The following MYT1 variants were observed in gnomAD, a reference collection of about 807,000 sequenced individuals.
MYT1 encodes myelin transcription factor I.
MYT1 carries 23 observed loss-of-function variants against 123.0 expected under a neutral mutation model. The ratio of observed to expected loss-of-function variants is 0.19; its 90% CI spans 0.13 to 0.26. The LOEUF is 0.26. Among genes scored for constraint, MYT1 ranks in the 10% least tolerant of loss-of-function variants. The pLI, the probability that MYT1 is intolerant of heterozygous loss-of-function variation, is 1.00. For missense variants in MYT1, 1,125 were observed against 1,472.5 expected, an observed-to-expected ratio of 0.76 and a Z score of 3.86; for synonymous variants, 518 against 575.3, an observed-to-expected ratio of 0.90 and a Z score of 1.43.
In MYT1 at chr20:64,205,636, C is replaced by G; in HGVS notation, c.233C>G (p.Pro78Arg). 1 of 1,614,196 alleles carries G rather than the reference C, an allele frequency of 6.2e-7. No homozygotes were observed. Among genetic ancestry groups the G allele is most frequent in the East Asian group, 2.2e-5 (1 of 44,890 alleles). ...EHLVSKRKSH[P>R]LKLALDEGYG... ...CTGGTGTCCAAGAGGAAGTCACACC[C>G]CCTGAAGCTGGCTCTGGACGAGGGC... The change falls in exon 6 of 23, where the codon CCC (proline) becomes CGC (arginine). Residue 78 changes from proline to arginine, a missense_variant. Coordinates refer to ENST00000328439, the MANE Select transcript of MYT1 (RefSeq NM_004535.3).
At position 64,193,459 on chromosome 20, in the gene MYT1, A is replaced by G. The variant is rs924944405; in HGVS notation, c.-1+3299A>G. ...CGTTGAGTGGGAGCTTGGATCTTCCACAATACTGTCTGCTGTAATGGCTTC... is the reference window on the plus strand; with the variant it reads ...CGTTGAGTGGGAGCTTGGATCTTCCGCAATACTGTCTGCTGTAATGGCTTC... On this transcript the variant is annotated intron_variant, in intron 2 of 22. Coordinates refer to ENST00000328439, the MANE Select transcript of MYT1 (RefSeq NM_004535.3). The surrounding 1 kb of genome is among the most constrained non-coding windows in gnomAD (Gnocchi z 4.0). Among the ~76,000 whole-genome samples the G allele has an allele frequency of 1.3e-5, 2 of 152,140 alleles. No homozygotes were observed. Among genetic ancestry groups the G allele is most frequent in the South Asian group, 4.1e-4 (2 of 4,822 alleles).
At chr20:64,220,923 G>A (rs543213279) in intron 13 of MYT1, among the ~76,000 whole-genome samples, 1 of 75,752 alleles carries the variant, frequency 1.3e-5, no homozygotes, top group South Asian at 3.8e-4. Flanking sequence ...CCTATGAAGG[G>A]TGGGGGCTGG....
chr20:64,177,099 G>A (rs1272401337), intron 1 of MYT1, among the ~76,000 whole-genome samples: 1 of 152,238 alleles, frequency 6.6e-6, no homozygotes, highest in African/African-American at 2.4e-5. Flanking sequence ...AAAAGAAAGT[G>A]TATGATGCTG....
Position 64,208,082 on chromosome 20 carries a change from G to A in MYT1, c.886G>A (p.Glu296Lys), listed in dbSNP as rs143133195. 1.4e-3 allele frequency: 2,180 copies of A among 1,600,396 alleles called. No individual in the cohort carries two copies. Among genetic ancestry groups the A allele is most frequent in the Non-Finnish European group, 1.7e-3 (1,975 of 1,173,876 alleles). The change falls in exon 7 of 23, where the codon GAG (glutamate) becomes AAG (lysine). Residue 296 changes from glutamate (E) to lysine (K), a missense_variant. By Grantham distance (56) the Glu-to-Lys change is moderately conservative (BLOSUM62 1). Transcript: ENST00000328439. The surrounding 1 kb of genome is among the most constrained non-coding windows in gnomAD (Gnocchi z 5.4). Reference protein sequence around the residue: ...EEEEEEEEEEEEEEEEEEEEE... With the variant: ...EEEEEEEEEEKEEEEEEEEEE... ...GGAGGAGGAGGAAGAGGAAGAGGAG[G>A]AGGAAGAGGAAGAGGAAGAGGAGGA...
rs1041343226 is a variant in MYT1 at position 64,191,199 on chromosome 20, A to G, written c.-1+1039A>G. On this transcript the variant is annotated intron_variant, in intron 2 of 22. Coordinates refer to ENST00000328439, the MANE Select transcript of MYT1 (RefSeq NM_004535.3). The surrounding 1 kb of genome is among the most constrained non-coding windows in gnomAD (Gnocchi z 4.1). Reference sequence around the variant, plus strand: ...AGTCTGTTGGCCTTGTTTTATTTCGATCTTCCTAAGGGGAGGCAGATGGTG... The same window carrying G: ...AGTCTGTTGGCCTTGTTTTATTTCGGTCTTCCTAAGGGGAGGCAGATGGTG... Among the ~76,000 whole-genome samples, 2 of 152,060 alleles carry G rather than the reference A, an allele frequency of 1.3e-5. No homozygotes were observed. Among genetic ancestry groups the G allele is most frequent in the Non-Finnish European group, 2.9e-5 (2 of 68,002 alleles).
chr20:64,240,590 G>A lies in MYT1; in HGVS notation c.*142G>A. The A allele has an allele frequency of 2.4e-6, 3 of 1,262,606 alleles. No homozygotes were observed. Among genetic ancestry groups the A allele is most frequent in the Non-Finnish European group, 3.2e-6 (3 of 947,330 alleles). 78.2% of individuals were successfully genotyped at this position (1,262,606 alleles called of 1,614,324 possible). On this transcript the variant is annotated 3_prime_UTR_variant, in exon 23 of 23. Coordinates refer to ENST00000328439, the MANE Select transcript of MYT1 (RefSeq NM_004535.3). ...GCGGGCGGGTTTATCCAAAGGGATG[G>A]CTGGAAATTGGCCGCTCCCACGAGG...
intron 19 of MYT1, among the ~76,000 whole-genome samples, chr20:64,235,861 G>A (rs1234238136): frequency 2.8e-5 from 4 of 144,810 alleles, no homozygotes. Context: ...GCTGGCCGTG[G>A]TGGGTGACGC....
intron 16 of MYT1, among the ~76,000 whole-genome samples, chr20:64,224,875 T>C (rs1984123310): frequency 6.6e-6 from 1 of 152,204 alleles, no homozygotes; most frequent in Non-Finnish European, 1.5e-5. Context: ...CTTTCTGTCC[T>C]GTGAAGTGGA....
intron 1 of MYT1, among the ~76,000 whole-genome samples, chr20:64,173,206 C>A (rs1283547882): frequency 6.6e-6 from 1 of 152,104 alleles, no homozygotes. Flanking sequence ...GATGGTGGCC[C>A]AGTGAGGCAA....
chr20:64,201,258 C>T (rs73325819), intron 4 of MYT1, among the ~76,000 whole-genome samples: 7,091 of 152,208 alleles, frequency 0.047, 186 homozygotes, highest in Middle Eastern at 0.12. Flanking sequence ...TAGATTTGTT[C>T]GTTTTTAAAC....
At chr20:64,223,735 C>T (rs1054173359) in intron 16 of MYT1, among the ~76,000 whole-genome samples, 1 of 152,176 alleles carries the variant, frequency 6.6e-6, no homozygotes, top group Non-Finnish European at 1.5e-5. Flanking sequence ...GACCAGGGAA[C>T]GTAAGCCCTG....
rs182805678 is a variant in MYT1, at chr20:64,229,760, C to T, written c.2675+1789C>T. Reference sequence around the variant, plus strand: ...AACAGGAGTCCTTTTTATGATATCTCCTGCCTGCGCTATTTAAAATTAAGT... The same window carrying T: ...AACAGGAGTCCTTTTTATGATATCTTCTGCCTGCGCTATTTAAAATTAAGT... On this transcript the variant is annotated intron_variant, in intron 18 of 22. Transcript: ENST00000328439. Among the ~76,000 whole-genome samples, 75 of 152,332 alleles carry T rather than the reference C, an allele frequency of 4.9e-4. 1 individual carries two copies. The highest frequency in any genetic ancestry group is 3.4e-3 in the Middle Eastern group (1 of 294).
intron 19 of MYT1, among the ~76,000 whole-genome samples, chr20:64,235,361 T>G (rs1178983923): frequency 0.012 from 854 of 69,850 alleles, no homozygotes; most frequent in Middle Eastern, 0.076. Context: ...GGATGGCCGT[T>G]GTGGGTGACA....
chr20:64,205,507 C>G (rs753418058), intron 5 of MYT1, 46 bp from the exon 6 acceptor site: 3 of 1,601,572 alleles, frequency 1.9e-6, no homozygotes, highest in Non-Finnish European at 2.6e-6. Flanking sequence ...TGAGGCCTCT[C>G]GTGGCCCTAG....
chr20:64,197,628 G>C (rs769029608), intron 2 of MYT1, among the ~76,000 whole-genome samples: 4 of 152,212 alleles, frequency 2.6e-5, no homozygotes, highest in Non-Finnish European at 5.9e-5. Flanking sequence ...GCCCTCCCCC[G>C]CCTGGTGTGG....
rs1221789457 is a variant in MYT1, at chr20:64,231,377, G to A, written c.2676-787G>A. 3.3e-5 allele frequency among the ~76,000 whole-genome samples: 5 copies of A among 152,176 alleles called. No homozygotes were observed. The highest frequency in any genetic ancestry group is 4.8e-5 in the African/African-American group (2 of 41,424). On this transcript the variant is annotated intron_variant, in intron 18 of 22. Coordinates refer to ENST00000328439, the MANE Select transcript of MYT1 (RefSeq NM_004535.3). The surrounding 1 kb of genome is among the most constrained non-coding windows in gnomAD (Gnocchi z 6.4). ...GAGGTCATGGGCCTGGGCCCTCTGC[G>A]CTGTCCTGTTTGTCTCTGACCCACA...
chr20:64,228,347 G>A (rs1231640180), intron 18 of MYT1, among the ~76,000 whole-genome samples: 1 of 152,230 alleles, frequency 6.6e-6, no homozygotes, highest in Non-Finnish European at 1.5e-5. Flanking sequence ...TGAGATGCAG[G>A]AGTCAAGGAG....
Position 64,205,064 on chromosome 20 carries a change from G to C in MYT1, c.116G>C (p.Gly39Ala), listed in dbSNP as rs765368711. The C allele has an allele frequency of 6.2e-7, 1 of 1,614,008 alleles. No individual in the cohort carries two copies. Among genetic ancestry groups the C allele is most frequent in the Non-Finnish European group, 8.5e-7 (1 of 1,180,026 alleles). ...CCCACCCCAGGATGCACAGGCTCAG[G>C]GCACGTCCGGGGCAAGTACTCCAGG... ...SCPTPGCTGS[G>A]HVRGKYSRHR... The change falls in exon 5 of 23, where the codon GGG (glycine) becomes GCG (alanine). Residue 39 changes from glycine (G) to alanine (A), a missense_variant. Gly to Ala is a moderately conservative substitution (Grantham distance 60, BLOSUM62 0). Transcript: ENST00000328439.
intron 16 of MYT1, among the ~76,000 whole-genome samples, chr20:64,226,308 G>A (rs141345797): frequency 4.0e-4 from 61 of 152,350 alleles, no homozygotes; most frequent in African/African-American, 1.3e-3. Context: ...CTGCTGTGCC[G>A]CCACAGCCCT....
Sources: gnomAD v4.1 joint callset for allele counts (sites outside exome capture counted in the v4.1 genomes callset) on GRCh38, gnomAD v4.1.1 for gene constraint, Gnocchi (gnomAD v3.1) non-coding constraint, MANE v1.5 for transcripts, NCBI Gene and HGNC (gene_info 2026-07-23, HGNC 2026-07-21) for gene names.